Variants in ANGEL2 observed in about 807,000 individuals in gnomAD.
ANGEL2 encodes RNA 2',3'-cyclic phosphatase ANGEL2.
ANGEL2 carries 41 observed loss-of-function variants against 66.0 expected under a neutral mutation model. That is an observed-to-expected ratio of 0.62 (90% CI 0.48 to 0.81). The LOEUF is 0.81. ANGEL2 is among the 30% of genes least tolerant of loss of function. ANGEL2 has a pLI of 0.00. For synonymous variants in ANGEL2, 208 were observed against 226.5 expected (o/e 0.92, Z 0.73); for missense variants, 561 against 641.6 (o/e 0.87, Z 1.36).
Position 212,997,197 on chromosome 1 carries a change from T to C in ANGEL2, c.1441A>G (p.Ile481Val). ...TCTTCCTTTTCTGCAGAGTAGAAAA[T>C]ATAATCCACAGTTATGGCACTTCGG... The part of the protein sequence containing the change: ...HSRSAITVDY[I>V]FYSAEKEDVA... The change falls in exon 8 of 9, where the codon ATT becomes GTT. Residue 481 changes from isoleucine (I) to valine (V), a missense_variant. Physicochemically the swap from Ile to Val is conservative, Grantham distance 29 (BLOSUM62 3). Coordinates refer to ENST00000366962, the MANE Select transcript of ANGEL2 (RefSeq NM_144567.5). The C allele has an allele frequency of 6.2e-7, 1 of 1,613,848 alleles. No individual in the cohort carries two copies. The highest frequency in any genetic ancestry group is 8.5e-7 in the Non-Finnish European group (1 of 1,179,802).
chr1:213,004,061 C>G (rs1326335415), intron 5 of ANGEL2, among the ~76,000 whole-genome samples: 1 of 151,904 alleles, frequency 6.6e-6, no homozygotes, highest in East Asian at 1.9e-4. Flanking sequence ...AAAAATTAGC[C>G]GGGCTTGGTG....
intron 1 of ANGEL2, 79 bp from the exon 2 acceptor site, chr1:213,013,497 A>C (rs1310204988): frequency 7.7e-7 from 1 of 1,299,308 alleles, no homozygotes; most frequent in African/African-American, 1.5e-5. Context: ...TGTTTCCTCA[A>C]GGGAAGGTAA....
intron 5 of ANGEL2, chr1:213,001,815 A>G (rs370253669): frequency 6.6e-6 from 1 of 152,342 alleles, no homozygotes; most frequent in Non-Finnish European, 1.5e-5. Flanking sequence ...CTGCTCATCT[A>G]TAAGAAGCAA....
rs770395648 is a variant in ANGEL2, at chr1:213,005,399, A to G, written c.768T>C (p.Ile256=). Residue 256 remains isoleucine, a synonymous_variant, in exon 5 of 9, where the codon ATT becomes ATC. Transcript: ENST00000366962. The stretch of plus-strand genomic sequence containing the variant: ...GTGAAAATTTGGAATGTTTGAAGCA[A>G]ATAGCACAGCCATCAGGTTTCCTTC... ...RTGRKPDGCA[I]CFKHSKFSLL... is the part of the protein sequence containing the mutation. 1.9e-6 allele frequency: 3 copies of G among 1,613,838 alleles called. No homozygotes were observed. In the East Asian group the frequency reaches 6.7e-5, roughly 36 times the overall value.
intron 1 of ANGEL2, 42 bp downstream of exon 1, chr1:213,015,571 C>G: frequency 6.2e-7 from 1 of 1,606,558 alleles, no homozygotes. Context: ...TTTCAGGCCG[C>G]CCGCCCCTCT....
chr1:212,996,167 C>T (rs969910225), intron 8 of ANGEL2, among the ~76,000 whole-genome samples: 4 of 152,032 alleles, frequency 2.6e-5, no homozygotes, highest in Non-Finnish European at 5.9e-5. Flanking sequence ...ATTAGCCGGG[C>T]ATGGTGGCGG....
At chr1:213,004,311 CAATAAA>C (rs1342478181) in intron 5 of ANGEL2, among the ~76,000 whole-genome samples, 7 of 151,928 alleles carry the variant, frequency 4.6e-5, no homozygotes, top group Non-Finnish European at 8.8e-5. Context: ...GAGGAAAGCA[CAATAAA>C]AATAATCACG....
intron 5 of ANGEL2, among the ~76,000 whole-genome samples, chr1:213,004,483 CT>C (rs57722597): frequency 0.011 from 1,634 of 144,862 alleles, 33 homozygotes; most frequent in African/African-American, 7.1e-3. Context: ...TCTGTCAATA[CT>C]TTTTTTTTTT....
chr1:212,998,396 T>C (rs1014242807), intron 7 of ANGEL2, among the ~76,000 whole-genome samples: 2 of 151,774 alleles, frequency 1.3e-5, no homozygotes, highest in Non-Finnish European at 2.9e-5. Context: ...TGAGATCAAC[T>C]CTCAAATAAA....
chr1:213,002,552 C>A (rs1166849297), intron 5 of ANGEL2, among the ~76,000 whole-genome samples: 1 of 152,202 alleles, frequency 6.6e-6, no homozygotes, highest in African/African-American at 2.4e-5. Context: ...TGAAACCAGG[C>A]ACTGACTTCT....
intron 5 of ANGEL2, among the ~76,000 whole-genome samples, chr1:213,003,474 C>T (rs867056990): frequency 1.3e-5 from 2 of 152,228 alleles, no homozygotes; most frequent in East Asian, 1.9e-4. Flanking sequence ...ACTTAGAGAG[C>T]GCTGCAGGGC....
At chr1:213,015,253 C>G (rs2076611713) in intron 1 of ANGEL2, 8 of 1,089,748 alleles carry the variant, frequency 7.3e-6, no homozygotes, top group Non-Finnish European at 8.9e-6. Context: ...CCCGCCGACG[C>G]TCGGTTCCCG....
In ANGEL2 at chr1:212,994,397, A is replaced by G. The variant is rs2075943933; in HGVS notation, c.*644T>C. On this transcript the variant is annotated 3_prime_UTR_variant, in exon 9 of 9. Transcript: ENST00000366962. ...TTGTCTGTTCCAGGGTGAAAGAGTG[A>G]GCTTTACACGTTATGCTGGCTTATA... The G allele has an allele frequency of 6.6e-6, 1 of 152,202 alleles. No homozygotes were observed. The highest frequency in any genetic ancestry group is 1.5e-5 in the Non-Finnish European group (1 of 68,054). 9.4% of individuals were successfully genotyped at this position (152,202 alleles called of 1,614,324 possible). A position where few individuals can be genotyped will look rare whatever the true frequency, so the allele number is the denominator to read the frequency against.
chr1:213,010,607 A>C (rs908165699), intron 2 of ANGEL2, among the ~76,000 whole-genome samples: 1 of 151,824 alleles, frequency 6.6e-6, no homozygotes, highest in African/African-American at 2.4e-5. Context: ...CATGTGTAGA[A>C]CACAATTCAT....
In ANGEL2 at chr1:213,005,469, T is replaced by C. The variant is rs940142490; in HGVS notation, c.713-15A>G. 1 of 1,552,536 alleles carries C rather than the reference T, an allele frequency of 6.4e-7. No individual in the cohort carries two copies. Among genetic ancestry groups the C allele is most frequent in the Middle Eastern group, 1.7e-4 (1 of 5,760 alleles). On this transcript the variant is annotated splice_polypyrimidine_tract_variant and intron_variant, in intron 4 of 8. Coordinates refer to ENST00000366962, the MANE Select transcript of ANGEL2 (RefSeq NM_144567.5). ...ACAGTGATAACCTACAAGAAACAAA[T>C]GAATTTAAAACAAATGACTGCTTTT...
In ANGEL2 at chr1:213,000,791, T is replaced by C. The variant is rs185089250; in HGVS notation, c.1256A>G (p.Lys419Arg). Residue 419 changes from lysine to arginine, a missense_variant, in exon 6 of 9, where the codon AAG (lysine) becomes AGG (arginine). By Grantham distance (26) the Lys-to-Arg change is conservative. Coordinates refer to ENST00000366962, the MANE Select transcript of ANGEL2 (RefSeq NM_144567.5). The stretch of plus-strand genomic sequence containing the variant: ...AATGTATTACAAACACTTACCTGTC[T>C]TTTCTACTTTTGGTACCTGCTGTAC... ...YEVQQVPKVE[K>R]TDSDLTQTQL... 1 of 1,605,556 alleles carries C rather than the reference T, an allele frequency of 6.2e-7. No individual in the cohort carries two copies. The highest frequency in any genetic ancestry group is 1.8e-5 in the Admixed American group (1 of 56,526).
At chr1:212,998,968 C>G (rs1056685783) in intron 7 of ANGEL2, among the ~76,000 whole-genome samples, 1 of 152,030 alleles carries the variant, frequency 6.6e-6, no homozygotes, top group African/African-American at 2.4e-5. Context: ...CAACCTCTGC[C>G]CCCCAGGGTT....
intron 2 of ANGEL2, among the ~76,000 whole-genome samples, chr1:213,012,806 C>A (rs1488579328): frequency 6.6e-6 from 1 of 152,134 alleles, no homozygotes; most frequent in Non-Finnish European, 1.5e-5. Context: ...TAAAAATTAT[C>A]CTTAAATAAA....
At chr1:213,002,435 G>T (rs181168692) in intron 5 of ANGEL2, among the ~76,000 whole-genome samples, 1 of 152,318 alleles carries the variant, frequency 6.6e-6, no homozygotes, top group Non-Finnish European at 1.5e-5. Flanking sequence ...AGTGGATTTA[G>T]CATAATTTTT....
Sources: allele counts gnomAD v4.1 joint callset (sites outside exome capture counted in the v4.1 genomes callset), GRCh38; gene constraint gnomAD v4.1.1; transcripts MANE v1.5; gene names NCBI Gene and HGNC (gene_info 2026-07-23, HGNC 2026-07-21).